Variants in FTO observed in about 807,000 individuals in gnomAD.
The protein encoded by FTO is alpha-ketoglutarate-dependent dioxygenase FTO.
Under a neutral mutation model 63.9 loss-of-function variants are expected in FTO, and 47 were observed. That is an observed-to-expected ratio of 0.74 (90% CI 0.58 to 0.94). The LOEUF (loss-of-function observed/expected upper bound fraction) is 0.94, where lower values mean the gene tolerates loss of function less well. Among genes scored for constraint, FTO ranks in the 40% least tolerant of loss-of-function variants. The pLI is 0.00. For missense variants in FTO, 562 were observed against 618.1 expected, an observed-to-expected ratio of 0.91 and a Z score of 0.96; for synonymous variants, 207 against 224.4, an observed-to-expected ratio of 0.92 and a Z score of 0.69.
At chr16:53,982,262 G>A (rs1207919262) in intron 8 of FTO, among the ~76,000 whole-genome samples, 2 of 152,120 alleles carry the variant, frequency 1.3e-5, no homozygotes, top group Non-Finnish European at 2.9e-5. Context: ...TTACAATAGG[G>A]CATGGTATAC....
At chr16:53,798,801 A>T (rs1203503508) in intron 1 of FTO, among the ~76,000 whole-genome samples, 4 of 152,166 alleles carry the variant, frequency 2.6e-5, no homozygotes, top group East Asian at 3.8e-4. Flanking sequence ...AATCTGGCAT[A>T]GAGGGGGTGA....
At position 53,825,763 on chromosome 16, in the gene FTO, C is replaced by T. The variant is rs1186371542; in HGVS notation, c.124-101C>T. The T allele has an allele frequency of 1.1e-5, 15 of 1,337,550 alleles. No homozygotes were observed. In the South Asian group the frequency reaches 1.7e-4, roughly 15 times the overall value. The allele number at this position is 1,337,550 out of a possible 1,614,324, so 82.9% of individuals were successfully genotyped here. ...TATTTAGAAATAGCCACCAGGTAGTCCCCCCACAACTCCCCAAATGCTTAC... is the reference window on the plus strand; with the variant it reads ...TATTTAGAAATAGCCACCAGGTAGTTCCCCCACAACTCCCCAAATGCTTAC... On this transcript the variant is annotated intron_variant, in intron 2 of 8. Coordinates refer to ENST00000471389, the MANE Select transcript of FTO (RefSeq NM_001080432.3).
intron 7 of FTO, among the ~76,000 whole-genome samples, chr16:53,905,818 G>T (rs941482407): frequency 2.6e-5 from 4 of 152,202 alleles, no homozygotes; most frequent in Non-Finnish European, 5.9e-5. Flanking sequence ...GGATGAACAA[G>T]TGAAGAAGCA....
chr16:54,021,354 C>A (rs1017893818), intron 8 of FTO, among the ~76,000 whole-genome samples: 4 of 152,170 alleles, frequency 2.6e-5, no homozygotes, highest in African/African-American at 4.8e-5. Flanking sequence ...GAGGCCCTTA[C>A]AATTGTCTTA....
chr16:53,728,945 G>A (rs1460766031), intron 1 of FTO, among the ~76,000 whole-genome samples: 1 of 150,376 alleles, frequency 6.6e-6, no homozygotes, highest in African/African-American at 2.4e-5. Flanking sequence ...TGTATTTTTA[G>A]TAGAGACAGG....
At chr16:54,030,028 G>A (rs1231874335) in intron 8 of FTO, among the ~76,000 whole-genome samples, 1 of 152,142 alleles carries the variant, frequency 6.6e-6, no homozygotes, top group Non-Finnish European at 1.5e-5. Context: ...AACCAGTTAA[G>A]CCCTGTGTAT....
intron 8 of FTO, among the ~76,000 whole-genome samples, chr16:54,084,657 C>G (rs1361030401): frequency 6.6e-6 from 1 of 151,972 alleles, no homozygotes; most frequent in Non-Finnish European, 1.5e-5. Context: ...GTAGGTCACA[C>G]AGAGGGGACA....
At chr16:53,989,553 C>CTA (rs2083753344) in intron 8 of FTO, among the ~76,000 whole-genome samples, 2 of 152,130 alleles carry the variant, frequency 1.3e-5, no homozygotes, top group Non-Finnish European at 2.9e-5. Context: ...AACTTGGACT[C>CTA]TATATTCAGA....
At chr16:53,880,026 G>C (rs770093671) in intron 6 of FTO, 39 bp downstream of exon 6, 1 of 1,496,320 alleles carries the variant, frequency 6.7e-7, no homozygotes, top group Non-Finnish European at 9.2e-7. Flanking sequence ...ATGGAGTCTC[G>C]CTCTGTCACC....
chr16:53,770,790 T>C (rs943342622), intron 1 of FTO, among the ~76,000 whole-genome samples: 1 of 152,134 alleles, frequency 6.6e-6, no homozygotes, highest in East Asian at 1.9e-4. Context: ...TTTTCAGTTA[T>C]CATGTTTGAA....
At chr16:53,816,356 T>G (rs547032131) in intron 2 of FTO, among the ~76,000 whole-genome samples, 1 of 152,262 alleles carries the variant, frequency 6.6e-6, no homozygotes, top group African/African-American at 2.4e-5. Context: ...TTTGAAAACA[T>G]AAATCAGCTC....
At chr16:54,014,305 A>G (rs1434435993) in intron 8 of FTO, among the ~76,000 whole-genome samples, 1 of 152,142 alleles carries the variant, frequency 6.6e-6, no homozygotes, top group African/African-American at 2.4e-5. Flanking sequence ...CTCATGGACA[A>G]CTTGGTTCTG....
intron 7 of FTO, among the ~76,000 whole-genome samples, chr16:53,892,899 G>A (rs1303107174): frequency 6.6e-6 from 1 of 152,080 alleles, no homozygotes; most frequent in Non-Finnish European, 1.5e-5. Context: ...TCCATTAATG[G>A]TAATTGCTTC....
At chr16:53,978,359 A>C (rs1232933214) in intron 8 of FTO, among the ~76,000 whole-genome samples, 3 of 152,218 alleles carry the variant, frequency 2.0e-5, no homozygotes, top group Admixed American at 1.3e-4. Context: ...AGTGTGAAAC[A>C]TCAAGCTATT....
At chr16:53,882,322 T>G (rs2080859585) in intron 6 of FTO, among the ~76,000 whole-genome samples, 1 of 151,538 alleles carries the variant, frequency 6.6e-6, no homozygotes, top group Non-Finnish European at 1.5e-5. Flanking sequence ...AGTAATACAC[T>G]TAACACACTG....
rs1232988038 is a variant in FTO at position 53,826,337 on chromosome 16, C to T, written c.597C>T (p.Tyr199=). The T allele has an allele frequency of 1.2e-6, 2 of 1,614,210 alleles. No homozygotes were observed. The highest frequency in any genetic ancestry group is 2.2e-5 in the East Asian group (1 of 44,882). ...DEVDIKSRAA[Y]NVTLLNFMDP... ...TGGACATTAAGAGCAGAGCAGCATA[C>T]AACGTAACTTTGCTGAATTTCATGG... is the stretch of plus-strand genomic sequence containing the variant. The change falls in exon 3 of 9, where the codon TAC becomes TAT. Residue 199 remains tyrosine, a synonymous_variant. Transcript: ENST00000471389.
At chr16:53,774,587 T>C (rs2077419685) in intron 1 of FTO, among the ~76,000 whole-genome samples, 1 of 152,182 alleles carries the variant, frequency 6.6e-6, no homozygotes, top group African/African-American at 2.4e-5. Context: ...TTGGTTGTTC[T>C]ACTTTTACTT....
Position 53,717,685 on chromosome 16 carries a change from G to A in FTO, c.45+13456G>A, listed in dbSNP as rs530867014. 2.0e-5 allele frequency among the ~76,000 whole-genome samples: 3 copies of A among 151,778 alleles called. No individual in the cohort carries two copies. The South Asian group carries it at 6.3e-4, about 32-fold the overall frequency. The stretch of plus-strand genomic sequence containing the variant: ...ATTCTTCTGGTTATTAATATTTTAT[G>A]TTTTTTTCATGTAATTGTTAAAATG... On this transcript the variant is annotated intron_variant, in intron 1 of 8. Transcript: ENST00000471389.
intron 8 of FTO, among the ~76,000 whole-genome samples, chr16:53,957,676 A>G (rs903407220): frequency 2.6e-5 from 4 of 152,264 alleles, no homozygotes; most frequent in African/African-American, 7.2e-5. Context: ...AAGATAGCTT[A>G]TTCAAATCTC....
Sources: gnomAD v4.1 joint callset for allele counts (sites outside exome capture counted in the v4.1 genomes callset) on GRCh38, gnomAD v4.1.1 for gene constraint, MANE v1.5 for transcripts, NCBI Gene and HGNC (gene_info 2026-07-23, HGNC 2026-07-21) for gene names.